Variants in PRKCA observed in about 807,000 individuals in gnomAD.
PRKCA encodes protein kinase C alpha type.
A neutral mutation model predicts 87.0 loss-of-function variants in PRKCA; 27 were observed. The ratio of observed to expected loss-of-function variants is 0.31; its 90% confidence interval spans 0.23 to 0.43. PRKCA has a LOEUF of 0.43. PRKCA is among the 20% of genes least tolerant of loss of function. PRKCA has a pLI of 1.00. For synonymous variants in PRKCA, 329 were observed against 311.1 expected (o/e 1.06, Z -0.61); for missense variants, 518 against 852.3 (o/e 0.61, Z 4.88).
chr17:66,711,740 G>A (rs1311245129), intron 8 of PRKCA, among the ~76,000 whole-genome samples: 5 of 151,970 alleles, frequency 3.3e-5, no homozygotes, highest in Non-Finnish European at 5.9e-5. Flanking sequence ...CCTACTCCCC[G>A]ACCCCAAGCT....
At chr17:66,460,183 C>T (rs1344475124) in intron 2 of PRKCA, among the ~76,000 whole-genome samples, 4 of 152,156 alleles carry the variant, frequency 2.6e-5, no homozygotes, top group Admixed American at 6.5e-5. Flanking sequence ...TGAATTCCGC[C>T]TATGAAATCT....
intron 2 of PRKCA, among the ~76,000 whole-genome samples, chr17:66,314,442 G>T (rs1905207169): frequency 2.0e-5 from 3 of 152,144 alleles, no homozygotes; most frequent in South Asian, 4.2e-4. Flanking sequence ...TCTGGAAATA[G>T]ATTTCTATCA....
chr17:66,656,036 T>G (rs1472417226), intron 5 of PRKCA, among the ~76,000 whole-genome samples: 1 of 152,180 alleles, frequency 6.6e-6, no homozygotes, highest in African/African-American at 2.4e-5. Context: ...AGATTGTTAT[T>G]CATGCTTGGT....
At chr17:66,694,767 TAAAAA>T (rs746908582) in intron 8 of PRKCA, among the ~76,000 whole-genome samples, 3 of 117,484 alleles carry the variant, frequency 2.6e-5, no homozygotes, top group Non-Finnish European at 1.7e-5. Context: ...TTCCAATGGT[TAAAAA>T]AAAAAAAAAA....
rs147425264 is a variant in PRKCA, at chr17:66,487,115, C to T, written c.206-9086C>T. Among the ~76,000 whole-genome samples the T allele has an allele frequency of 2.6e-3, 398 of 152,254 alleles. 1 individual carries two copies. The highest frequency in any genetic ancestry group is 9.0e-3 in the African/African-American group (374 of 41,552). On this transcript the variant is annotated intron_variant, in intron 2 of 16. Transcript: ENST00000413366. ...AACTATAATTTCCCTGCTGTGCTAT[C>T]GATTACTAGAACTTATTCCTTCTGT... is the stretch of plus-strand genomic sequence containing the variant.
chr17:66,778,356 G>A (rs1054455883), intron 14 of PRKCA: 1 of 472,496 alleles, frequency 2.1e-6, no homozygotes, highest in East Asian at 1.5e-4. Flanking sequence ...TACTAAAAAT[G>A]CAAAAAAAAA....
At chr17:66,363,878 T>G (rs1050628687) in intron 2 of PRKCA, among the ~76,000 whole-genome samples, 8 of 152,152 alleles carry the variant, frequency 5.3e-5, no homozygotes, top group Non-Finnish European at 1.2e-4. Flanking sequence ...AATTTTTGTA[T>G]TTTTAGTAGA....
At chr17:66,495,418 A>G (rs1290280347) in intron 2 of PRKCA, among the ~76,000 whole-genome samples, 1 of 152,166 alleles carries the variant, frequency 6.6e-6, no homozygotes, top group East Asian at 1.9e-4. Context: ...GGATACTCAC[A>G]TTATTTATAA....
intron 3 of PRKCA, among the ~76,000 whole-genome samples, chr17:66,502,044 G>A: frequency 6.6e-6 from 1 of 152,306 alleles, no homozygotes; most frequent in Admixed American, 6.5e-5. Context: ...GCTCACCAGT[G>A]TCTTCTTGAT....
chr17:66,632,845 T>A (rs1261684076), intron 3 of PRKCA, among the ~76,000 whole-genome samples: 3 of 152,192 alleles, frequency 2.0e-5, no homozygotes, highest in African/African-American at 7.2e-5. Context: ...CTAGAATTTT[T>A]AAAATAATTT....
intron 3 of PRKCA, among the ~76,000 whole-genome samples, chr17:66,585,328 C>G (rs532472324): frequency 1.3e-5 from 2 of 152,268 alleles, no homozygotes; most frequent in Non-Finnish European, 2.9e-5. Context: ...ATTTCCTATC[C>G]GCAGAGCTGC....
At chr17:66,561,106 A>G (rs1837381957) in intron 3 of PRKCA, among the ~76,000 whole-genome samples, 2 of 152,204 alleles carry the variant, frequency 1.3e-5, no homozygotes, top group African/African-American at 4.8e-5. Flanking sequence ...TTTCCACAAA[A>G]CATATCATTT....
chr17:66,532,005 C>T (rs575989198), intron 3 of PRKCA, among the ~76,000 whole-genome samples: 3 of 152,290 alleles, frequency 2.0e-5, no homozygotes, highest in South Asian at 2.1e-4. Flanking sequence ...TCTGTGGATT[C>T]GCTCCTGCAT....
At chr17:66,767,152 T>A (rs1168267139) in intron 13 of PRKCA, among the ~76,000 whole-genome samples, 1 of 152,186 alleles carries the variant, frequency 6.6e-6, no homozygotes, top group East Asian at 1.9e-4. Context: ...AGAGAACCTA[T>A]TTTCTCCCTA....
At chr17:66,511,813 T>G (rs1917244016) in intron 3 of PRKCA, among the ~76,000 whole-genome samples, 1 of 152,004 alleles carries the variant, frequency 6.6e-6, no homozygotes, top group Non-Finnish European at 1.5e-5. Context: ...CCTGAGTAGC[T>G]GGGATTACAG....
chr17:66,781,067 C>G (rs1975195759), intron 14 of PRKCA, among the ~76,000 whole-genome samples: 2 of 152,158 alleles, frequency 1.3e-5, no homozygotes, highest in African/African-American at 4.8e-5. Flanking sequence ...TGAGATCGCA[C>G]CACTGCACTC....
rs566252586 is a variant in PRKCA at position 66,564,809 on chromosome 17, A to G, written c.288+68526A>G. ...AGCCTGGCCAAGATGGTGAAACCCC[A>G]TCTCTACTAAAAATACAAAAATTAG... is the stretch of plus-strand genomic sequence containing the variant. On this transcript the variant is annotated intron_variant, in intron 3 of 16. Transcript: ENST00000413366. 1.4e-4 allele frequency among the ~76,000 whole-genome samples: 21 copies of G among 152,136 alleles called. No individual in the cohort carries two copies. In the East Asian group the frequency reaches 4.1e-3, roughly 29 times the overall value.
At chr17:66,746,591 T>G (rs1194336355) in intron 13 of PRKCA, among the ~76,000 whole-genome samples, 1 of 152,220 alleles carries the variant, frequency 6.6e-6, no homozygotes, top group Admixed American at 6.5e-5. Context: ...GAGGCTTAAG[T>G]ATTTATGGCT....
At chr17:66,476,541 T>C (rs1027593169) in intron 2 of PRKCA, among the ~76,000 whole-genome samples, 4 of 152,216 alleles carry the variant, frequency 2.6e-5, no homozygotes, top group Non-Finnish European at 4.4e-5. Context: ...AAGAAGGTTA[T>C]GAGAGGCACA....
Sources: gnomAD v4.1 joint callset for allele counts (sites outside exome capture counted in the v4.1 genomes callset) on GRCh38, gnomAD v4.1.1 for gene constraint, MANE v1.5 for transcripts, NCBI Gene and HGNC (gene_info 2026-07-23, HGNC 2026-07-21) for gene names.